The following BBOX1 variants were observed in gnomAD, a reference collection of about 807,000 sequenced individuals.
The protein encoded by BBOX1 is gamma-butyrobetaine dioxygenase.
BBOX1 carries 35 observed loss-of-function variants against 41.6 expected under a neutral mutation model. That is an observed-to-expected ratio of 0.84 (90% confidence interval 0.64 to 1.11). The LOEUF (loss-of-function observed/expected upper bound fraction) is 1.11. Ranked by LOEUF, BBOX1 falls within the 50% of genes most tolerant of loss-of-function variation. BBOX1 has a pLI of 0.00. For synonymous variants in BBOX1, 163 were observed against 154.7 expected, an observed-to-expected ratio of 1.05 and a Z score of -0.40; for missense variants, 458 against 460.6, an observed-to-expected ratio of 0.99 and a Z score of 0.05.
At chr11:27,048,424 A>C (rs530703978) in intron 2 of BBOX1, among the ~76,000 whole-genome samples, 1 of 152,056 alleles carries the variant, frequency 6.6e-6, no homozygotes, top group East Asian at 1.9e-4. Context: ...GTTATCAAAA[A>C]TGACAGAATT....
At chr11:27,090,332 A>G (rs771590302) in intron 4 of BBOX1, among the ~76,000 whole-genome samples, 1 of 151,966 alleles carries the variant, frequency 6.6e-6, no homozygotes, top group African/African-American at 2.4e-5. Flanking sequence ...GTGACATCGC[A>G]TATCAGTAGG....
At chr11:27,085,555 A>ATCTCTCTCTC (rs59696795) in intron 4 of BBOX1, among the ~76,000 whole-genome samples, 1,742 of 134,758 alleles carry the variant, frequency 0.013, 42 homozygotes, top group South Asian at 0.017. Flanking sequence ...ACATTCCCCC[A>ATCTCTCTCTC]TCTCTCTCTC....
chr11:27,090,181 G>T (rs1472896340), intron 4 of BBOX1, among the ~76,000 whole-genome samples: 1 of 151,886 alleles, frequency 6.6e-6, no homozygotes, highest in Non-Finnish European at 1.5e-5. Flanking sequence ...ACTAGACAAG[G>T]GATCGGAAAA....
chr11:27,115,479 C>A lies in BBOX1; in HGVS notation c.561C>A (p.Ile187=). Residue 187 remains isoleucine, a synonymous_variant, in exon 6 of 9, where the codon ATC becomes ATA. Coordinates refer to ENST00000263182, the MANE Select transcript of BBOX1 (RefSeq NM_003986.3). ...ATACTTGGCAAGTGCAAGACAAAAT[C>A]GATGCAAACAATGTGGCTTACACAA... ...YGHTWQVQDK[I]DANNVAYTTG... The A allele has an allele frequency of 6.2e-7, 1 of 1,610,114 alleles. No individual in the cohort carries two copies. The highest frequency in any genetic ancestry group is 2.2e-5 in the East Asian group (1 of 44,690).
At chr11:27,097,602 A>C (rs1434727773) in intron 5 of BBOX1, among the ~76,000 whole-genome samples, 1 of 152,062 alleles carries the variant, frequency 6.6e-6, no homozygotes, top group African/African-American at 2.4e-5. Flanking sequence ...GGCTTCCTTT[A>C]AATAATCTAG....
chr11:27,108,518 G>A (rs949688009), intron 5 of BBOX1, among the ~76,000 whole-genome samples: 4 of 151,940 alleles, frequency 2.6e-5, no homozygotes, highest in East Asian at 1.9e-4. Flanking sequence ...GTTGACAATC[G>A]TCTGGATCCA....
intron 5 of BBOX1, among the ~76,000 whole-genome samples, chr11:27,111,824 G>T (rs957175781): frequency 1.3e-5 from 2 of 151,920 alleles, no homozygotes; most frequent in African/African-American, 4.8e-5. Flanking sequence ...ATCAAATAGT[G>T]GATGAGGGGA....
chr11:27,114,594 A>G (rs1344160618), intron 5 of BBOX1, among the ~76,000 whole-genome samples: 1 of 151,848 alleles, frequency 6.6e-6, no homozygotes, highest in African/African-American at 2.4e-5. Context: ...AAATAAACCC[A>G]CACATCTATG....
intron 4 of BBOX1, among the ~76,000 whole-genome samples, chr11:27,071,522 T>A (rs923429722): frequency 6.6e-6 from 1 of 152,086 alleles, no homozygotes; most frequent in African/African-American, 2.4e-5. Flanking sequence ...TGGGAGGCGA[T>A]TGAATCATGG....
Position 27,127,532 on chromosome 11 carries a change from C to T in BBOX1, c.*79C>T. Reference sequence around the variant, plus strand: ...TGGCACATTATTCACAGACCATGATCTTTGTGATTTACATATAATTTCCTT... The same window carrying T: ...TGGCACATTATTCACAGACCATGATTTTTGTGATTTACATATAATTTCCTT... On this transcript the variant is annotated 3_prime_UTR_variant, in exon 9 of 9. Coordinates refer to ENST00000263182, the MANE Select transcript of BBOX1 (RefSeq NM_003986.3). The T allele has an allele frequency of 6.9e-7, 1 of 1,448,474 alleles. No individual in the cohort carries two copies. Among genetic ancestry groups the T allele is most frequent in the Non-Finnish European group, 9.3e-7 (1 of 1,071,332 alleles). The allele number at this position is 1,448,474 out of a possible 1,614,324, so 89.7% of individuals were successfully genotyped here. A position where few individuals can be genotyped will look rare whatever the true frequency, so the allele number is the denominator to read the frequency against.
At chr11:27,079,234 C>T (rs923802895) in intron 4 of BBOX1, among the ~76,000 whole-genome samples, 5 of 152,036 alleles carry the variant, frequency 3.3e-5, no homozygotes, top group Admixed American at 2.6e-4. Context: ...AATTTACCGA[C>T]CTGGTAGATA....
chr11:27,111,161 CACA>C (rs1225284723), intron 5 of BBOX1, among the ~76,000 whole-genome samples: 2 of 151,104 alleles, frequency 1.3e-5, no homozygotes, highest in African/African-American at 4.8e-5. Context: ...TGGAATACTA[CACA>C]ACCATATAAA....
intron 4 of BBOX1, among the ~76,000 whole-genome samples, chr11:27,073,608 C>A (rs1590187374): frequency 1.3e-5 from 2 of 151,828 alleles, no homozygotes; most frequent in East Asian, 3.9e-4. Flanking sequence ...AAGATAAATG[C>A]ACACGTATGT....
intron 2 of BBOX1, among the ~76,000 whole-genome samples, chr11:27,048,638 G>C (rs1218715386): frequency 6.6e-6 from 1 of 151,808 alleles, no homozygotes; most frequent in East Asian, 1.9e-4. Context: ...CCATGTTTGG[G>C]CTGTTCTGAA....
At chr11:27,067,438 C>T (rs1452121335) in intron 4 of BBOX1, among the ~76,000 whole-genome samples, 20 of 151,890 alleles carry the variant, frequency 1.3e-4, no homozygotes, top group Admixed American at 1.3e-3. Flanking sequence ...TTTGCATACC[C>T]ATAGTTGAGC....
intron 4 of BBOX1, among the ~76,000 whole-genome samples, chr11:27,083,607 T>C (rs372427263): frequency 6.6e-5 from 10 of 152,272 alleles, no homozygotes; most frequent in African/African-American, 2.4e-4. Context: ...TCACCATGTC[T>C]AAATGAATTC....
intron 4 of BBOX1, among the ~76,000 whole-genome samples, chr11:27,059,275 C>T (rs918063822): frequency 3.3e-5 from 5 of 152,334 alleles, no homozygotes; most frequent in South Asian, 2.1e-4. Flanking sequence ...AGCCTGTGGC[C>T]GCACACAGTG....
At chr11:27,107,117 A>G (rs909477410) in intron 5 of BBOX1, among the ~76,000 whole-genome samples, 3 of 152,314 alleles carry the variant, frequency 2.0e-5, no homozygotes, top group African/African-American at 4.8e-5. Flanking sequence ...ATAGCACTAA[A>G]TGCCCACAAG....
chr11:27,125,936 A>G, intron 8 of BBOX1, 116 bp downstream of exon 8: 1 of 1,111,528 alleles, frequency 9.0e-7, no homozygotes, highest in South Asian at 1.8e-5. Context: ...CACCAACAAC[A>G]GAATCTTGGT....
Sources: allele counts gnomAD v4.1 joint callset (sites outside exome capture counted in the v4.1 genomes callset), GRCh38; gene constraint gnomAD v4.1.1; transcripts MANE v1.5; gene names NCBI Gene and HGNC (gene_info 2026-07-23, HGNC 2026-07-21).